The following GRM5 variants were observed in gnomAD, a reference collection of about 807,000 sequenced individuals.
The protein encoded by GRM5 is glutamate metabotropic receptor 5.
GRM5 carries 19 observed loss-of-function variants against 83.1 expected under a neutral mutation model. The ratio of observed to expected loss-of-function variants is 0.23; its 90% CI spans 0.16 to 0.34. The LOEUF is 0.34. GRM5 is among the 10% of genes least tolerant of loss of function. The pLI is 1.00. For missense variants in GRM5, 1,160 were observed against 1,588.3 expected (o/e 0.73, Z 4.58); for synonymous variants, 675 against 633.6 (o/e 1.07, Z -0.98).
chr11:88,776,610 G>A (rs4539325), intron 3 of GRM5, among the ~76,000 whole-genome samples: 97,361 of 151,984 alleles, frequency 0.64, 31,958 homozygotes, highest in Non-Finnish European at 0.73. Flanking sequence ...TGCTTCCTGC[G>A]GGAGCTCTTG....
intron 2 of GRM5, among the ~76,000 whole-genome samples, chr11:88,937,228 A>G (rs1191345920): frequency 6.6e-6 from 1 of 151,714 alleles, no homozygotes; most frequent in Non-Finnish European, 1.5e-5. Context: ...CTTGGATAAA[A>G]CATGCTACCA....
chr11:88,821,220 A>G (rs1943785326), intron 3 of GRM5, among the ~76,000 whole-genome samples: 1 of 152,116 alleles, frequency 6.6e-6, no homozygotes, highest in Admixed American at 6.5e-5. Flanking sequence ...CATTAAAAAC[A>G]GAAAAGTGAA....
At chr11:88,695,300 A>C (rs1940875485) in intron 3 of GRM5, among the ~76,000 whole-genome samples, 1 of 152,296 alleles carries the variant, frequency 6.6e-6, no homozygotes, top group Middle Eastern at 3.4e-3. Flanking sequence ...AAAAAAAAAG[A>C]TTGCTTGATC....
chr11:88,558,862 T>C (rs1942690942), intron 8 of GRM5, among the ~76,000 whole-genome samples: 1 of 149,176 alleles, frequency 6.7e-6, no homozygotes, highest in Non-Finnish European at 1.5e-5. Flanking sequence ...AGCATAATTC[T>C]CAAAGTATAT....
At chr11:88,746,570 CAA>C (rs11302390) in intron 3 of GRM5, among the ~76,000 whole-genome samples, 16,145 of 147,304 alleles carry the variant, frequency 0.11, 951 homozygotes, top group African/African-American at 0.16. Flanking sequence ...ATTCTGGAGA[CAA>C]AAAAAAAAAA....
intron 2 of GRM5, among the ~76,000 whole-genome samples, chr11:88,944,775 C>A (rs759448960): frequency 1.3e-5 from 2 of 151,836 alleles, no homozygotes; most frequent in African/African-American, 2.4e-5. Context: ...TCAGCAAAGC[C>A]TGGAAATATC....
At chr11:88,667,694 C>T (rs1018076136) in intron 3 of GRM5, among the ~76,000 whole-genome samples, 4 of 152,012 alleles carry the variant, frequency 2.6e-5, no homozygotes, top group Non-Finnish European at 5.9e-5. Flanking sequence ...GAGTTCAAGA[C>T]CACCCTGGCC....
At chr11:88,866,031 A>G (rs1414034124) in intron 2 of GRM5, among the ~76,000 whole-genome samples, 3 of 152,164 alleles carry the variant, frequency 2.0e-5, no homozygotes, top group Non-Finnish European at 4.4e-5. Context: ...CAGAAATACC[A>G]TTTAATCCAG....
chr11:88,705,717 G>A (rs1941139935), intron 3 of GRM5, among the ~76,000 whole-genome samples: 1 of 151,462 alleles, frequency 6.6e-6, no homozygotes, highest in Admixed American at 6.6e-5. Flanking sequence ...CACTTGCCAA[G>A]AATGATTAAT....
chr11:88,702,756 T>C (rs1256278092), intron 3 of GRM5, among the ~76,000 whole-genome samples: 3 of 152,010 alleles, frequency 2.0e-5, no homozygotes, highest in Non-Finnish European at 4.4e-5. Flanking sequence ...TTTTGTGTGG[T>C]CATAATCCAA....
intron 3 of GRM5, among the ~76,000 whole-genome samples, chr11:88,801,855 G>A (rs1943402000): frequency 6.6e-6 from 1 of 152,108 alleles, no homozygotes; most frequent in South Asian, 2.1e-4. Flanking sequence ...TAACCTCTAT[G>A]AGGAGAAAAG....
At position 88,910,341 on chromosome 11, in the gene GRM5, T is replaced by C. The variant is rs567870329; in HGVS notation, c.662-60186A>G. 1.2e-4 allele frequency among the ~76,000 whole-genome samples: 18 copies of C among 152,222 alleles called. 1 individual carries two copies. The South Asian group carries it at 3.5e-3, about 30-fold the overall frequency. ...ATCTACTGATGAACACCAAGTTTAT[T>C]TGGCTATCATAAGTAATGTTTTTAT... On this transcript the variant is annotated intron_variant, in intron 2 of 9. Coordinates refer to ENST00000305447, the MANE Select transcript of GRM5 (RefSeq NM_001143831.3).
intron 3 of GRM5, among the ~76,000 whole-genome samples, chr11:88,775,478 C>T (rs1419177396): frequency 6.6e-6 from 1 of 152,062 alleles, no homozygotes; most frequent in African/African-American, 2.4e-5. Context: ...TTGCCTTCTG[C>T]TAGCTTTTGA....
intron 8 of GRM5, among the ~76,000 whole-genome samples, chr11:88,535,424 T>A (rs973321493): frequency 1.2e-4 from 18 of 152,218 alleles, no homozygotes; most frequent in African/African-American, 4.3e-4. Flanking sequence ...TCCAACCATA[T>A]GGCAGGCATG....
intron 3 of GRM5, among the ~76,000 whole-genome samples, chr11:88,815,898 G>C (rs941254433): frequency 2.0e-5 from 3 of 152,128 alleles, no homozygotes; most frequent in Admixed American, 1.3e-4. Flanking sequence ...CAAATCAGAG[G>C]CTTCAGCCCC....
intron 2 of GRM5, among the ~76,000 whole-genome samples, chr11:88,981,334 G>T (rs1203262304): frequency 1.3e-5 from 2 of 152,102 alleles, no homozygotes; most frequent in African/African-American, 4.8e-5. Context: ...TATATTCAAT[G>T]AAACATCAAT....
At chr11:88,840,621 C>G (rs1207093721) in intron 3 of GRM5, among the ~76,000 whole-genome samples, 1 of 152,158 alleles carries the variant, frequency 6.6e-6, no homozygotes, top group Non-Finnish European at 1.5e-5. Flanking sequence ...GGGCTTTTTC[C>G]ATAACAACAA....
At chr11:88,940,132 A>G (rs1463553286) in intron 2 of GRM5, among the ~76,000 whole-genome samples, 1 of 151,930 alleles carries the variant, frequency 6.6e-6, no homozygotes, top group Non-Finnish European at 1.5e-5. Context: ...GCCTGCCCAA[A>G]TGAATCAGAT....
chr11:88,871,022 C>G (rs769642186), intron 2 of GRM5, among the ~76,000 whole-genome samples: 1 of 151,422 alleles, frequency 6.6e-6, no homozygotes, highest in African/African-American at 2.4e-5. Flanking sequence ...TGTATGAAAA[C>G]ACCACTATGT....
Sources: gnomAD v4.1 joint callset for allele counts (sites outside exome capture counted in the v4.1 genomes callset) on GRCh38, gnomAD v4.1.1 for gene constraint, MANE v1.5 for transcripts, NCBI Gene and HGNC (gene_info 2026-07-23, HGNC 2026-07-21) for gene names.